Variants in NOP53 observed in about 807,000 individuals in gnomAD.
NOP53 encodes NOP53 ribosome biogenesis factor, also known as ribosome biogenesis protein NOP53.
Under a neutral mutation model 61.0 loss-of-function variants are expected in NOP53, and 40 were observed. That is an observed-to-expected ratio of 0.66 (90% CI 0.51 to 0.85). The LOEUF (loss-of-function observed/expected upper bound fraction) is 0.85. Among genes scored for constraint, NOP53 ranks in the 40% least tolerant of loss-of-function variants. The pLI is 0.00. For missense variants in NOP53, 689 were observed against 652.9 expected (o/e 1.06, Z -0.60); for synonymous variants, 308 against 289.5 (o/e 1.06, Z -0.65).
chr19:47,755,801 A>C lies in NOP53; in HGVS notation c.1275A>C (p.Thr425=). ...DIDVQLSSEL[T]DSLRTLKPEG... is the part of the protein sequence containing the mutation. ...ACGTGCAGCTGAGCTCGGAGCTGACAGACTCGCTCAGGACCCTGAAGGTGC... is the reference window on the plus strand; with the variant it reads ...ACGTGCAGCTGAGCTCGGAGCTGACCGACTCGCTCAGGACCCTGAAGGTGC... Residue 425 remains threonine, a synonymous_variant, in exon 10 of 13, where the codon ACA becomes ACC. Transcript: ENST00000246802. 1 of 1,609,834 alleles carries C rather than the reference A, an allele frequency of 6.2e-7. No individual in the cohort carries two copies. Among genetic ancestry groups the C allele is most frequent in the Non-Finnish European group, 8.5e-7 (1 of 1,178,336 alleles).
intron 1 of NOP53, chr19:47,745,996 A>G: frequency 1.9e-6 from 1 of 516,268 alleles, no homozygotes; most frequent in South Asian, 3.0e-5. Flanking sequence ...TAGCAGATAA[A>G]TATACAGGAC....
intron 2 of NOP53, among the ~76,000 whole-genome samples, chr19:47,748,666 G>T (rs1394254224): frequency 6.6e-6 from 1 of 152,096 alleles, no homozygotes; most frequent in African/African-American, 2.4e-5. Flanking sequence ...GGCCGAGGTG[G>T]GGCGGATCAC....
At chr19:47,750,747 G>A (rs757569999) in intron 3 of NOP53, among the ~76,000 whole-genome samples, 161 bp from the exon 4 acceptor site, 7 of 152,102 alleles carry the variant, frequency 4.6e-5, no homozygotes, top group Admixed American at 2.0e-4. Flanking sequence ...GGAGACAGAC[G>A]TGGGGAGAGG....
intron 1 of NOP53, 82 bp downstream of exon 1, chr19:47,745,865 GGGGTC>G: frequency 1.8e-5 from 1 of 56,230 alleles, no homozygotes; most frequent in South Asian, 8.8e-5. Flanking sequence ...GGACTCGTCG[GGGGTC>G]GGGGGTCGGG....
chr19:47,755,477 C>G lies in NOP53; in HGVS notation c.1183C>G (p.Arg395Gly), dbSNP rs1005811039. 6.7e-7 allele frequency: 1 copy of G among 1,485,086 alleles called. No individual in the cohort carries two copies. The highest frequency in any genetic ancestry group is 8.9e-7 in the Non-Finnish European group (1 of 1,122,930). 92.0% of individuals were successfully genotyped at this position (1,485,086 alleles called of 1,614,324 possible). ...GCGGCGGCAGAGGCGGCGGCAGGCG[C>G]GGCGGGAGGCTGAGGCTGACAAGCC... ...LARRQRRRQARREAEADKPRR... is the reference protein window; with the variant it reads ...LARRQRRRQAGREAEADKPRR... The change falls in exon 9 of 13, where the codon CGG becomes GGG. Residue 395 changes from arginine to glycine, a missense_variant. Transcript: ENST00000246802.
intron 4 of NOP53, 134 bp from the exon 5 acceptor site, chr19:47,751,386 G>T: frequency 2.8e-6 from 2 of 709,422 alleles, no homozygotes; most frequent in Non-Finnish European, 4.9e-6. Context: ...CAAGGCCCTT[G>T]GGGTCTAGAA....
chr19:47,749,229 G>T (rs73051770), intron 2 of NOP53, among the ~76,000 whole-genome samples: 2,472 of 152,198 alleles, frequency 0.016, 32 homozygotes, highest in South Asian at 0.039. Flanking sequence ...TCTGGTGTGT[G>T]AGTGTAAAGG....
In NOP53 at chr19:47,754,373, AGGGTGGGTGTGCT is replaced by A. The variant is rs922517010; in HGVS notation, c.766-151_766-139del. Reference sequence around the variant, plus strand: ...TTTGAGGTGCCCTCTGGCTCTGTGCAGGGTGGGTGTGCTGGTAGACGGGGTGTGGGGAGGAAAG... The same window carrying A: ...TTTGAGGTGCCCTCTGGCTCTGTGCAGGTAGACGGGGTGTGGGGAGGAAAG... On this transcript the variant is annotated intron_variant, in intron 6 of 12. Transcript: ENST00000246802. This position sits in a 1 kb window ranked among gnomAD's most constrained non-coding sequence, Gnocchi z 4.2. 10 of 652,084 alleles carry A rather than the reference AGGGTGGGTGTGCT, an allele frequency of 1.5e-5. No homozygotes were observed. 40.4% of individuals were successfully genotyped at this position (652,084 alleles called of 1,614,324 possible).
chr19:47,750,065 C>A, intron 2 of NOP53, 113 bp from the exon 3 acceptor site: 1 of 664,172 alleles, frequency 1.5e-6, no homozygotes. Context: ...CTCCAAGTCT[C>A]CTGGGGTGAC....
chr19:47,751,131 T>C (rs749495651), intron 4 of NOP53, 24 bp downstream of exon 4: 1 of 1,584,146 alleles, frequency 6.3e-7, no homozygotes, highest in Admixed American at 1.8e-5. Context: ...CTGTCACCTA[T>C]GAATGGGGAC....
In NOP53 at chr19:47,755,766, C is replaced by T. The variant is rs980724483; in HGVS notation, c.1240C>T (p.Pro414Ser). 9 of 1,610,052 alleles carry T rather than the reference C, an allele frequency of 5.6e-6. No homozygotes were observed. In the African/African-American group the frequency reaches 9.4e-5, roughly 17 times the overall value. ...RRLGRLKYQA[P>S]DIDVQLSSEL... is the part of the protein sequence containing the mutation. ...CGCCCTGTTCTGCAGGTACCAGGCA[C>T]CTGACATCGACGTGCAGCTGAGCTC... is the stretch of plus-strand genomic sequence containing the variant. Residue 414 changes from proline (P) to serine (S), a missense_variant, in exon 10 of 13, where the codon CCT becomes TCT. Pro to Ser is a moderately conservative substitution (Grantham distance 74, BLOSUM62 -1). Transcript: ENST00000246802.
chr19:47,755,146 C>T (rs565512986), intron 8 of NOP53, among the ~76,000 whole-genome samples: 229 of 152,178 alleles, frequency 1.5e-3, no homozygotes, highest in Middle Eastern at 6.8e-3. Context: ...GTTTCTGCAC[C>T]GCAGACCAGG....
rs367594833 is a variant in NOP53 at position 47,756,613 on chromosome 19, C to T, written c.1373+9C>T. The T allele has an allele frequency of 5.1e-5, 82 of 1,613,508 alleles. No homozygotes were observed. The highest frequency in any genetic ancestry group is 8.9e-5 in the East Asian group (4 of 44,870). ...CCTCGAGAGAGAGCCAAGTAAGGGG[C>T]GGCCGGGGCTGCTGTGGGGCGAGGG... On this transcript the variant is annotated intron_variant, in intron 11 of 12. Transcript: ENST00000246802.
Position 47,754,866 on chromosome 19 carries a change from G to T in NOP53, c.1028G>T (p.Arg343Leu). The part of the protein sequence containing the change: ...TTEKKTEQQR[R>L]REKAVHRLRV... ...GAGAAGAAGACGGAGCAGCAGCGGC[G>T]GCGGGAGAAGGCTGTGCACAGGCTG... Residue 343 changes from arginine (R) to leucine (L), a missense_variant, in exon 8 of 13, where the codon CGG becomes CTG. Physicochemically the swap from Arg to Leu is moderately radical, Grantham distance 102 (BLOSUM62 -2). Coordinates refer to ENST00000246802, the MANE Select transcript of NOP53 (RefSeq NM_015710.5). The surrounding 1 kb of genome is among the most constrained non-coding windows in gnomAD (Gnocchi z 4.2). 6.6e-7 allele frequency: 1 copy of T among 1,525,294 alleles called. No individual in the cohort carries two copies. Among genetic ancestry groups the T allele is most frequent in the Non-Finnish European group, 8.7e-7 (1 of 1,145,966 alleles). 94.5% of individuals were successfully genotyped at this position (1,525,294 alleles called of 1,614,324 possible).
chr19:47,752,551 G>A lies in NOP53; in HGVS notation c.709G>A (p.Ala237Thr), dbSNP rs1453187852. The change falls in exon 6 of 13, where the codon GCC (alanine) becomes ACC (threonine). Residue 237 changes from alanine to threonine, a missense_variant. Coordinates refer to ENST00000246802, the MANE Select transcript of NOP53 (RefSeq NM_015710.5). ...RLHTKPSQAP[A>T]VEVAPAGASY... ...GCACACCAAGCCGTCCCAGGCACCC[G>A]CCGTGGAGGTGGCGCCTGCCGGAGC... 7.5e-6 allele frequency: 12 copies of A among 1,610,524 alleles called. No homozygotes were observed. The East Asian group carries it at 1.1e-4, about 15-fold the overall frequency.
chr19:47,754,380 G>A lies in NOP53; in HGVS notation c.766-147G>A, dbSNP rs1162385777. 6 of 665,394 alleles carry A rather than the reference G, an allele frequency of 9.0e-6. No individual in the cohort carries two copies. Among genetic ancestry groups the A allele is most frequent in the Admixed American group, 2.3e-5 (1 of 43,812 alleles). 41.2% of individuals were successfully genotyped at this position (665,394 alleles called of 1,614,324 possible). On this transcript the variant is annotated intron_variant, in intron 6 of 12. Transcript: ENST00000246802. This position sits in a 1 kb window ranked among gnomAD's most constrained non-coding sequence, Gnocchi z 4.2. ...TGCCCTCTGGCTCTGTGCAGGGTGG[G>A]TGTGCTGGTAGACGGGGTGTGGGGA... is the stretch of plus-strand genomic sequence containing the variant.
chr19:47,754,860 A>AGCG lies in NOP53; in HGVS notation c.1030_1032dup (p.Arg344dup). On this transcript the variant is annotated inframe_insertion, in exon 8 of 13. Coordinates refer to ENST00000246802, the MANE Select transcript of NOP53 (RefSeq NM_015710.5). The surrounding 1 kb of genome is among the most constrained non-coding windows in gnomAD (Gnocchi z 4.2). ...ACCACAGAGAAGAAGACGGAGCAGC[A>AGCG]GCGGCGGCGGGAGAAGGCTGTGCAC... 5.2e-6 allele frequency: 8 copies of AGCG among 1,532,670 alleles called. No homozygotes were observed. The highest frequency in any genetic ancestry group is 7.0e-6 in the Non-Finnish European group (8 of 1,149,116). The allele number at this position is 1,532,670 out of a possible 1,614,324, so 94.9% of individuals were successfully genotyped here.
Position 47,755,768 on chromosome 19 carries a change from T to A in NOP53, c.1242T>A (p.Pro414=). 6.2e-7 allele frequency: 1 copy of A among 1,610,316 alleles called. No homozygotes were observed. The highest frequency in any genetic ancestry group is 8.5e-7 in the Non-Finnish European group (1 of 1,178,876). ...CCCTGTTCTGCAGGTACCAGGCACC[T>A]GACATCGACGTGCAGCTGAGCTCGG... ...RRLGRLKYQA[P]DIDVQLSSEL... Residue 414 remains proline, a synonymous_variant, in exon 10 of 13, where the codon CCT becomes CCA. Coordinates refer to ENST00000246802, the MANE Select transcript of NOP53 (RefSeq NM_015710.5).
At chr19:47,756,929 G>A (rs1223892735) in intron 12 of NOP53, 70 bp from the exon 13 acceptor site, 1 of 1,595,580 alleles carries the variant, frequency 6.3e-7, no homozygotes, top group East Asian at 2.2e-5. Context: ...TGAAAGGCAG[G>A]GGGTGTCAGG....
Sources: allele counts gnomAD v4.1 joint callset (sites outside exome capture counted in the v4.1 genomes callset), GRCh38; gene constraint gnomAD v4.1.1; non-coding constraint Gnocchi (gnomAD v3.1); transcripts MANE v1.5; gene names NCBI Gene and HGNC (gene_info 2026-07-23, HGNC 2026-07-21).